ZNF346: variants seen among roughly 807,000 people sequenced by gnomAD.
The protein encoded by ZNF346 is double-stranded RNA-binding zinc finger protein JAZ.
Under a neutral mutation model 33.7 loss-of-function variants are expected in ZNF346, and 23 were observed. The observed-to-expected ratio is 0.68, with a 90% CI of 0.49 to 0.97. ZNF346 has a LOEUF of 0.97. ZNF346 is among the 50% of genes least tolerant of loss of function. The probability of loss-of-function intolerance (pLI) is 0.00; values close to 1 mark genes in which losing one functional copy is unlikely to be tolerated. For missense variants in ZNF346, 340 were observed against 371.1 expected, an observed-to-expected ratio of 0.92 and a Z score of 0.69; for synonymous variants, 134 against 142.4, an observed-to-expected ratio of 0.94 and a Z score of 0.42.
At chr5:177,074,535 C>A (rs1783652829) in intron 8 of ZNF346, among the ~76,000 whole-genome samples, 1 of 152,202 alleles carries the variant, frequency 6.6e-6, no homozygotes, top group Non-Finnish European at 1.5e-5. Context: ...GTAGTCCCAG[C>A]TACTCAGGAG....
chr5:177,064,221 G>T (rs1309146293), intron 6 of ZNF346, among the ~76,000 whole-genome samples: 1 of 152,246 alleles, frequency 6.6e-6, no homozygotes, highest in African/African-American at 2.4e-5. Flanking sequence ...ATTGGCTACA[G>T]TCCTGAACCT....
intron 8 of ZNF346, among the ~76,000 whole-genome samples, chr5:177,073,245 T>C (rs1357569916): frequency 1.3e-5 from 2 of 152,184 alleles, no homozygotes; most frequent in Admixed American, 6.5e-5. Context: ...AATGAATAAA[T>C]GAATAAAAAT....
intron 3 of ZNF346, 95 bp from the exon 4 acceptor site, chr5:177,044,294 A>G: frequency 2.1e-6 from 3 of 1,423,044 alleles, no homozygotes; most frequent in Non-Finnish European, 2.9e-6. Context: ...GAGGGGGGCC[A>G]TAAATGCCTG....
At chr5:177,056,096 T>G (rs1489525287) in intron 5 of ZNF346, among the ~76,000 whole-genome samples, 12 of 101,258 alleles carry the variant, frequency 1.2e-4, no homozygotes, top group African/African-American at 1.8e-4. Flanking sequence ...AAAAAAAAAG[T>G]TAGCCGGGCA....
At chr5:177,069,900 G>A (rs768296518), downstream of ZNF346, among the ~76,000 whole-genome samples, 6 of 152,180 alleles carry the variant, frequency 3.9e-5, no homozygotes, top group South Asian at 4.1e-4. Flanking sequence ...GGGCTCAAGC[G>A]ATCCACCCAC....
At chr5:177,052,422 A>T (rs1439440937) in intron 5 of ZNF346, 1 of 151,144 alleles carries the variant, frequency 6.6e-6, no homozygotes, top group Non-Finnish European at 1.5e-5. Context: ...ACCTCAAGTG[A>T]TCCACCCGCC....
chr5:177,077,077 A>G lies in ZNF346; in HGVS notation c.*3-2305A>G, dbSNP rs1783786392. Among the ~76,000 whole-genome samples the G allele has an allele frequency of 6.6e-6, 1 of 152,210 alleles. No individual in the cohort carries two copies. The highest frequency in any genetic ancestry group is 1.5e-5 in the Non-Finnish European group (1 of 68,040). On this transcript the variant is annotated intron_variant, in intron 8 of 8. Coordinates refer to the ZNF346 transcript ENST00000503039. The surrounding 1 kb of genome is among the most constrained non-coding windows in gnomAD (Gnocchi z 5.0). ...ATAAACATAAAAACAAGTATCTTTG[A>G]ATAATTTTTTCTTTAACACCAATAG...
In ZNF346 at chr5:177,067,878, G is replaced by T. The variant is rs1169338735; in HGVS notation, c.*3279G>T. The stretch of plus-strand genomic sequence containing the variant: ...CCAGCACTTTGGGAGGCCAAGGCGG[G>T]TGTATCACTTGCGGCCGGGAGTTTA... On this transcript the variant is annotated 3_prime_UTR_variant, in exon 7 of 7. Coordinates refer to ENST00000358149, the MANE Select transcript of ZNF346 (RefSeq NM_012279.4). Among the ~76,000 whole-genome samples the T allele has an allele frequency of 6.6e-6, 1 of 152,140 alleles. No homozygotes were observed.
intron 6 of ZNF346, 72 bp from the exon 7 acceptor site, chr5:177,064,440 G>A: frequency 1.6e-6 from 2 of 1,226,848 alleles, no homozygotes; most frequent in East Asian, 2.3e-5. Flanking sequence ...TGGAAGGGCA[G>A]TGCTATCATT....
At chr5:177,056,656 A>G (rs1007237928) in intron 5 of ZNF346, among the ~76,000 whole-genome samples, 4 of 152,114 alleles carry the variant, frequency 2.6e-5, no homozygotes, top group Non-Finnish European at 4.4e-5. Context: ...TGAGCAAACT[A>G]TCACAAGGAC....
At chr5:177,027,817 T>C (rs2149580921) in intron 1 of ZNF346, among the ~76,000 whole-genome samples, 1 of 151,602 alleles carries the variant, frequency 6.6e-6, no homozygotes, top group South Asian at 2.1e-4. Flanking sequence ...CTAATTTTTG[T>C]GTTTTTTTAA....
chr5:177,080,768 A>G (rs1170517332), exon 9 of ZNF346: 4 of 152,208 alleles, frequency 2.6e-5, no homozygotes, highest in Admixed American at 1.3e-4. Flanking sequence ...AGATCGTGCC[A>G]CTGCATTCCA....
rs1178411950 is a variant in ZNF346 at position 177,067,025 on chromosome 5, T to G, written c.*2426T>G. Among the ~76,000 whole-genome samples, 1 of 152,200 alleles carries G rather than the reference T, an allele frequency of 6.6e-6. No homozygotes were observed. Among genetic ancestry groups the G allele is most frequent in the African/African-American group, 2.4e-5 (1 of 41,442 alleles). On this transcript the variant is annotated 3_prime_UTR_variant, in exon 7 of 7. Transcript: ENST00000358149. ...TCGCATTGAGCCAAGATCGTGCCAC[T>G]GCACTCCAGCCTAGGTGACAGAGTG...
At position 177,075,846 on chromosome 5, in the gene ZNF346, C is replaced by G. The variant is rs1783722657; in HGVS notation, c.*3-3536C>G. Among the ~76,000 whole-genome samples, 2 of 152,192 alleles carry G rather than the reference C, an allele frequency of 1.3e-5. 1 individual carries two copies. The highest frequency in any genetic ancestry group is 1.3e-4 in the Admixed American group (2 of 15,282). ...GAATTACAGGCACCCGCCACCACGC[C>G]CAGCTAATTTTTGTACTTTTAATAG... On this transcript the variant is annotated intron_variant, in intron 8 of 8. Transcript: ENST00000503039.
At chr5:177,062,024 G>A (rs762817334) in intron 5 of ZNF346, 34 bp from the exon 6 acceptor site, 8 of 1,580,978 alleles carry the variant, frequency 5.1e-6, no homozygotes, top group South Asian at 4.5e-5. Context: ...CCTTCTTTCT[G>A]GATTACTAAG....
intron 5 of ZNF346, among the ~76,000 whole-genome samples, chr5:177,061,126 C>T (rs747915284): frequency 8.4e-5 from 12 of 143,638 alleles, no homozygotes; most frequent in Non-Finnish European, 1.5e-4. Flanking sequence ...AAACAAGTTG[C>T]GGTGTAATTG....
At chr5:177,036,686 G>C (rs1411730761) in intron 1 of ZNF346, among the ~76,000 whole-genome samples, 1 of 152,124 alleles carries the variant, frequency 6.6e-6, no homozygotes, top group Non-Finnish European at 1.5e-5. Context: ...CACTCTTCCT[G>C]CTTACTGCCT....
intron 2 of ZNF346, among the ~76,000 whole-genome samples, chr5:177,041,431 ATC>A (rs1328819004): frequency 3.3e-5 from 5 of 152,156 alleles, no homozygotes; most frequent in Non-Finnish European, 7.3e-5. Flanking sequence ...TTATATGTGT[ATC>A]TTCCCTTGCA....
chr5:177,062,300 G>C, intron 6 of ZNF346, 149 bp downstream of exon 6: 1 of 662,456 alleles, frequency 1.5e-6, no homozygotes. Context: ...AGGAACAAGT[G>C]TCTCCTCTAT....
Sources: allele counts gnomAD v4.1 joint callset (sites outside exome capture counted in the v4.1 genomes callset), GRCh38; gene constraint gnomAD v4.1.1; non-coding constraint Gnocchi (gnomAD v3.1); transcripts MANE v1.5; gene names NCBI Gene and HGNC (gene_info 2026-07-23, HGNC 2026-07-21).